Variants in ARMH4 observed in about 807,000 individuals in gnomAD.
ARMH4 encodes the protein armadillo like helical domain containing 4, also known as armadillo-like helical domain-containing protein 4.
ARMH4 carries 49 observed loss-of-function variants against 61.9 expected under a neutral mutation model. That is an observed-to-expected ratio of 0.79 (90% confidence interval 0.63 to 1.00). The LOEUF is 1.00. Among genes scored for constraint, ARMH4 ranks in the 50% least tolerant of loss-of-function variants. The pLI is 0.00. For missense variants in ARMH4, 934 were observed against 930.0 expected (o/e 1.00, Z -0.06); for synonymous variants, 368 against 341.5 (o/e 1.08, Z -0.85).
At chr14:58,022,212 T>C (rs1409010789) in intron 5 of ARMH4, among the ~76,000 whole-genome samples, 1 of 152,064 alleles carries the variant, frequency 6.6e-6, no homozygotes, top group Non-Finnish European at 1.5e-5. Context: ...GTCAACAGCA[T>C]AACGTCTTCA....
intron 1 of ARMH4, among the ~76,000 whole-genome samples, chr14:58,146,826 C>T (rs1887743329): frequency 6.6e-6 from 1 of 152,278 alleles, no homozygotes; most frequent in African/African-American, 2.4e-5. Flanking sequence ...AAAAGGGAAA[C>T]CAATATGTTA....
chr14:58,039,827 T>G (rs1883623323), intron 5 of ARMH4, among the ~76,000 whole-genome samples: 1 of 152,178 alleles, frequency 6.6e-6, no homozygotes, highest in African/African-American at 2.4e-5. Flanking sequence ...AGATACTGGA[T>G]AGCTGGGTAT....
In ARMH4 at chr14:58,070,850, T is replaced by C. The variant is rs530016363; in HGVS notation, c.2089+25874A>G. Among the ~76,000 whole-genome samples the C allele has an allele frequency of 3.3e-5, 5 of 152,230 alleles. No homozygotes were observed. The South Asian group carries it at 1.0e-3, about 32-fold the overall frequency. On this transcript the variant is annotated intron_variant, in intron 5 of 7. Coordinates refer to ENST00000267485, the MANE Select transcript of ARMH4 (RefSeq NM_001001872.4). The stretch of plus-strand genomic sequence containing the variant: ...TTTGTACCCATTAACCATCCCCAGC[T>C]CCCTTGAATCCTCCACTACCCTTCC...
intron 5 of ARMH4, among the ~76,000 whole-genome samples, chr14:58,028,997 A>G (rs1868275649): frequency 6.6e-6 from 1 of 152,116 alleles, no homozygotes; most frequent in South Asian, 2.1e-4. Flanking sequence ...ATGTTGTACA[A>G]CCATTACCTC....
At position 58,133,312 on chromosome 14, in the gene ARMH4, C is replaced by G; in HGVS notation, c.1399G>C (p.Val467Leu). ...DIITQEMTTA[V>L]QEPDATLSMV... Reference sequence around the variant, plus strand: ...GATAAAGTGGCATCTGGCTCTTGAACAGCTGTTGTCATCTCTTGAGTGATG... The same window carrying G: ...GATAAAGTGGCATCTGGCTCTTGAAGAGCTGTTGTCATCTCTTGAGTGATG... The change falls in exon 3 of 8, where the codon GTT becomes CTT. Residue 467 changes from valine to leucine, a missense_variant. Physicochemically the swap from Val to Leu is conservative, Grantham distance 32 (BLOSUM62 1). Transcript: ENST00000267485. 1 of 1,613,600 alleles carries G rather than the reference C, an allele frequency of 6.2e-7. No homozygotes were observed. Among genetic ancestry groups the G allele is most frequent in the East Asian group, 2.2e-5 (1 of 44,848 alleles).
chr14:58,048,920 G>A (rs578171459), intron 5 of ARMH4, among the ~76,000 whole-genome samples: 2 of 152,230 alleles, frequency 1.3e-5, no homozygotes, highest in African/African-American at 4.8e-5. Context: ...CCTCACTGAT[G>A]AGAGAAACAA....
intron 4 of ARMH4, among the ~76,000 whole-genome samples, chr14:58,124,909 A>T (rs1004032722): frequency 6.6e-5 from 10 of 152,198 alleles, no homozygotes; most frequent in African/African-American, 2.4e-4. Flanking sequence ...TAGGAGAAGG[A>T]AAAAAGGTAA....
chr14:58,032,725 C>T (rs956152310), intron 5 of ARMH4, among the ~76,000 whole-genome samples: 3 of 151,974 alleles, frequency 2.0e-5, no homozygotes, highest in Non-Finnish European at 4.4e-5. Context: ...CAGGGTGAGG[C>T]ATTGCCTCAC....
At chr14:58,121,274 T>G (rs1020335311) in intron 4 of ARMH4, among the ~76,000 whole-genome samples, 14 of 152,162 alleles carry the variant, frequency 9.2e-5, no homozygotes, top group African/African-American at 3.4e-4. Flanking sequence ...AGCTAAATCC[T>G]TTCATCATCA....
rs955139438 is a variant in ARMH4, at chr14:58,146,873, T to G, written c.-57+5202A>C. On this transcript the variant is annotated intron_variant, in intron 1 of 7. Coordinates refer to ENST00000267485, the MANE Select transcript of ARMH4 (RefSeq NM_001001872.4). ...CCAGTGATGAAGCTACTACTTCCAG[T>G]GTCAACTGAGTTTCATATATAATAT... is the stretch of plus-strand genomic sequence containing the variant. 2.0e-5 allele frequency among the ~76,000 whole-genome samples: 3 copies of G among 152,258 alleles called. No individual in the cohort carries two copies. The South Asian group carries it at 6.2e-4, about 32-fold the overall frequency.
intron 4 of ARMH4, among the ~76,000 whole-genome samples, chr14:58,125,804 G>C (rs750104628): frequency 7.2e-5 from 11 of 152,182 alleles, no homozygotes; most frequent in Non-Finnish European, 1.6e-4. Context: ...GGGTTTTCCT[G>C]TTGAGAGCGG....
At chr14:58,150,528 C>T (rs1001419161) in intron 1 of ARMH4, among the ~76,000 whole-genome samples, 1 of 152,152 alleles carries the variant, frequency 6.6e-6, no homozygotes, top group African/African-American at 2.4e-5. Context: ...GAACCATTTC[C>T]GTAATACCAA....
At chr14:58,012,031 A>G in intron 6 of ARMH4, 88 bp downstream of exon 6, 1 of 936,334 alleles carries the variant, frequency 1.1e-6, no homozygotes, top group Non-Finnish European at 1.6e-6. Flanking sequence ...AGAATAATAA[A>G]CCAAAGCCCT....
At chr14:58,052,654 T>C (rs933913573) in intron 5 of ARMH4, among the ~76,000 whole-genome samples, 8 of 152,144 alleles carry the variant, frequency 5.3e-5, no homozygotes, top group Non-Finnish European at 5.9e-5. Context: ...CTGTGAATTA[T>C]AGTAGTTCCT....
rs545010630 is a variant in ARMH4 at position 58,002,100 on chromosome 14, T to A, written c.*2636A>T. The A allele has an allele frequency of 6.6e-6, 1 of 152,354 alleles. No homozygotes were observed. Among genetic ancestry groups the A allele is most frequent in the South Asian group, 2.1e-4 (1 of 4,824 alleles). The allele number at this position is 152,354 out of a possible 1,614,324, so 9.4% of individuals were successfully genotyped here. A position where few individuals can be genotyped will look rare whatever the true frequency, so the allele number is the denominator to read the frequency against. ...GTAAACCTACAAGTGCCTGATTTAC[T>A]ACTTCTCAACTGGACCACTATATAA... On this transcript the variant is annotated 3_prime_UTR_variant, in exon 8 of 8. Coordinates refer to ENST00000267485, the MANE Select transcript of ARMH4 (RefSeq NM_001001872.4).
intron 5 of ARMH4, among the ~76,000 whole-genome samples, chr14:58,019,347 C>T (rs1425278050): frequency 1.3e-5 from 2 of 152,024 alleles, no homozygotes; most frequent in African/African-American, 2.4e-5. Flanking sequence ...TTCAAAACAT[C>T]ATGTTGTTTT....
At chr14:58,129,430 T>C (rs1028210339) in intron 4 of ARMH4, among the ~76,000 whole-genome samples, 1 of 152,128 alleles carries the variant, frequency 6.6e-6, no homozygotes, top group African/African-American at 2.4e-5. Flanking sequence ...GATATTAAAA[T>C]AACATATAAA....
At chr14:58,141,314 C>T in intron 1 of ARMH4, 1 of 440,788 alleles carries the variant, frequency 2.3e-6, no homozygotes, top group African/African-American at 2.1e-5. Flanking sequence ...ACGGGCAAGA[C>T]CATCACCCTT....
intron 5 of ARMH4, among the ~76,000 whole-genome samples, chr14:58,092,608 G>A (rs192940765): frequency 6.2e-4 from 94 of 152,286 alleles, no homozygotes; most frequent in African/African-American, 2.1e-3. Flanking sequence ...GGCGTTGGAG[G>A]AGAATCAGTT....
Sources: gnomAD v4.1 joint callset for allele counts (sites outside exome capture counted in the v4.1 genomes callset) on GRCh38, gnomAD v4.1.1 for gene constraint, MANE v1.5 for transcripts, NCBI Gene and HGNC (gene_info 2026-07-23, HGNC 2026-07-21) for gene names.